The following OGA variants were observed in gnomAD, a reference collection of about 807,000 sequenced individuals.
The protein encoded by OGA is O-GlcNAcase.
A neutral mutation model predicts 102.0 loss-of-function variants in OGA; 21 were observed. That is an observed-to-expected ratio of 0.21 (90% CI 0.15 to 0.30). The LOEUF (loss-of-function observed/expected upper bound fraction) is 0.30. Among genes scored for constraint, OGA ranks in the 10% least tolerant of loss-of-function variants. OGA has a pLI of 1.00. For synonymous variants in OGA, 408 were observed against 378.2 expected (o/e 1.08, Z -0.91); for missense variants, 765 against 1,107.8 (o/e 0.69, Z 4.39).
At chr10:101,803,627 TAAATA>T (rs2065427742) in intron 7 of OGA, 103 bp downstream of exon 7, 1 of 1,190,778 alleles carries the variant, frequency 8.4e-7, no homozygotes, top group Admixed American at 2.7e-5. Flanking sequence ...TTTAAAAAAA[TAAATA>T]AAACTGTTTA....
At chr10:101,796,745 A>AT (rs973295944) in intron 10 of OGA, among the ~76,000 whole-genome samples, 7 of 151,608 alleles carry the variant, frequency 4.6e-5, no homozygotes, top group Non-Finnish European at 1.0e-4. Flanking sequence ...TAATTTTTGT[A>AT]TTTTTTTAGT....
intron 9 of OGA, among the ~76,000 whole-genome samples, chr10:101,798,468 T>C (rs1259746462): frequency 1.3e-5 from 2 of 148,990 alleles, no homozygotes; most frequent in East Asian, 4.0e-4. Flanking sequence ...TGGAGTACAA[T>C]GGCACGATCT....
In OGA at chr10:101,799,172, T is replaced by C; in HGVS notation, c.1479A>G (p.Ala493=). ...CAGTGTCCATTGGTTTCAATTCCTC[T>C]GCCATTTTCGCTTCAACAATTTCAC... ...ILSEIVEAKM[A]EELKPMDTDK... The change falls in exon 9 of 16, where the codon GCA becomes GCG. Residue 493 remains alanine, a synonymous_variant. Coordinates refer to ENST00000361464, the MANE Select transcript of OGA (RefSeq NM_012215.5). 1.2e-6 allele frequency: 2 copies of C among 1,614,262 alleles called. No individual in the cohort carries two copies. The highest frequency in any genetic ancestry group is 2.2e-5 in the South Asian group (2 of 91,088).
At position 101,790,878 on chromosome 10, in the gene OGA, T is replaced by A. The variant is rs752110825; in HGVS notation, c.2454+18A>T. On this transcript the variant is annotated intron_variant, in intron 14 of 15. Coordinates refer to ENST00000361464, the MANE Select transcript of OGA (RefSeq NM_012215.5). ...AAAAAGACCATTACCATAGTATAATTCTTAACCTTTGTATTACCTCAGCCT... is the reference window on the plus strand; with the variant it reads ...AAAAAGACCATTACCATAGTATAATACTTAACCTTTGTATTACCTCAGCCT... 9 of 1,540,584 alleles carry A rather than the reference T, an allele frequency of 5.8e-6. No individual in the cohort carries two copies. The Admixed American group carries it at 1.7e-4, about 29-fold the overall frequency.
intron 14 of OGA, among the ~76,000 whole-genome samples, chr10:101,789,799 C>G (rs2065235259): frequency 6.6e-6 from 1 of 152,060 alleles, no homozygotes; most frequent in African/African-American, 2.4e-5. Context: ...CACGGCGAAA[C>G]CCCATCTCTA....
chr10:101,809,701 G>A lies in OGA; in HGVS notation c.480+483C>T, dbSNP rs1358412128. Among the ~76,000 whole-genome samples, 4 of 125,416 alleles carry A rather than the reference G, an allele frequency of 3.2e-5. No homozygotes were observed. In the East Asian group the frequency reaches 9.2e-4, roughly 29 times the overall value. The allele number at this position is 125,416 out of a possible 152,430, so 82.3% of individuals were successfully genotyped here. A position where few individuals can be genotyped will look rare whatever the true frequency, so the allele number is the denominator to read the frequency against. On this transcript the variant is annotated intron_variant, in intron 4 of 15. Transcript: ENST00000361464. ...ACTCCAGGCAACAGGGCAAGACTCT[G>A]TCTCAAAAAAAAAAAAAAAGAAAAA...
At chr10:101,795,924 A>T (rs1382279670) in intron 10 of OGA, 2 of 982,164 alleles carry the variant, frequency 2.0e-6, no homozygotes, top group East Asian at 2.3e-4. Flanking sequence ...AGGTATCTAT[A>T]TAATTTTGGA....
At position 101,803,931 on chromosome 10, in the gene OGA, G is replaced by A; in HGVS notation, c.840C>T (p.Asn280=). The A allele has an allele frequency of 6.2e-7, 1 of 1,614,016 alleles. No homozygotes were observed. Among genetic ancestry groups the A allele is most frequent in the Non-Finnish European group, 8.5e-7 (1 of 1,179,866 alleles). The part of the protein sequence containing the change: ...IIKRAPVIWD[N]IHANDYDQKR... ...TCTGATCATAATCATTAGCATGAAT[G>A]TTATCCCAGATTACTGGAGCTCTCT... Residue 280 remains asparagine, a synonymous_variant, in exon 7 of 16, where the codon AAC becomes AAT. Transcript: ENST00000361464.
intron 7 of OGA, among the ~76,000 whole-genome samples, chr10:101,802,890 G>C (rs774195752): frequency 7.4e-5 from 11 of 149,622 alleles, no homozygotes; most frequent in Non-Finnish European, 1.6e-4. Context: ...TGTAATCCCA[G>C]CACTCTGGGA....
intron 1 of OGA, among the ~76,000 whole-genome samples, chr10:101,815,982 A>G (rs1433215261): frequency 6.7e-6 from 1 of 148,188 alleles, no homozygotes; most frequent in East Asian, 1.9e-4. Flanking sequence ...AAAAAAAAAA[A>G]AAAAAAAAGC....
intron 10 of OGA, chr10:101,797,716 G>A (rs2065333393): frequency 3.5e-6 from 2 of 576,068 alleles, no homozygotes; most frequent in Non-Finnish European, 6.1e-6. Flanking sequence ...TTCAGTCAGA[G>A]CAAGTTAAAG....
At chr10:101,812,095 T>C (rs941873118) in intron 3 of OGA, among the ~76,000 whole-genome samples, 11 of 152,202 alleles carry the variant, frequency 7.2e-5, no homozygotes, top group Non-Finnish European at 1.5e-4. Flanking sequence ...TAACCAAATA[T>C]CTTGTTAGCT....
At chr10:101,808,913 T>C (rs776375658) in intron 4 of OGA, among the ~76,000 whole-genome samples, 5 of 151,592 alleles carry the variant, frequency 3.3e-5, no homozygotes, top group Non-Finnish European at 7.4e-5. Flanking sequence ...GAGGTTGCAA[T>C]GAGCTGAGAT....
Position 101,786,064 on chromosome 10 carries a change from CTCAATAA to C in OGA, c.*380_*386del. The C allele has an allele frequency of 6.4e-6, 1 of 156,204 alleles. No homozygotes were observed. Among genetic ancestry groups the C allele is most frequent in the Admixed American group, 6.5e-5 (1 of 15,384 alleles). The allele number at this position is 156,204 out of a possible 1,614,324, so 9.7% of individuals were successfully genotyped here. A position where few individuals can be genotyped will look rare whatever the true frequency, so the allele number is the denominator to read the frequency against. ...TCCCCTAAGACTGAGAGGCATTTCACTCAATAAACCAAGGAAGATGACAGATGTTATC... is the reference window on the plus strand; with the variant it reads ...TCCCCTAAGACTGAGAGGCATTTCACACCAAGGAAGATGACAGATGTTATC... On this transcript the variant is annotated 3_prime_UTR_variant, in exon 16 of 16. Transcript: ENST00000361464.
At chr10:101,808,494 T>C (rs2065504744) in intron 4 of OGA, among the ~76,000 whole-genome samples, 1 of 152,194 alleles carries the variant, frequency 6.6e-6, no homozygotes, top group Non-Finnish European at 1.5e-5. Flanking sequence ...ACTGATCCCT[T>C]TGCAGATAAA....
At chr10:101,793,064 A>T in intron 11 of OGA, 121 bp from the exon 12 acceptor site, 2 of 715,162 alleles carry the variant, frequency 2.8e-6, no homozygotes, top group Non-Finnish European at 4.8e-6. Flanking sequence ...CCTAAAGAAG[A>T]GGGGTGTACT....
intron 1 of OGA, among the ~76,000 whole-genome samples, chr10:101,815,961 GAGAAAAAAAA>G (rs2065617710): frequency 1.3e-3 from 31 of 23,788 alleles, no homozygotes; most frequent in Admixed American, 1.9e-3. Context: ...ATCAAAAAGA[GAGAAAAAAAA>G]AAAAAAAAAA....
Position 101,786,409 on chromosome 10 carries a change from GCA to G in OGA, c.*40_*41del. ...AGACCTCAACTACCATTCACAAGGT[GCA>G]GTTAAGAGACTTTTGGACAGTTCAC... is the stretch of plus-strand genomic sequence containing the variant. On this transcript the variant is annotated 3_prime_UTR_variant, in exon 16 of 16. Coordinates refer to ENST00000361464, the MANE Select transcript of OGA (RefSeq NM_012215.5). 1 of 1,532,204 alleles carries G rather than the reference GCA, an allele frequency of 6.5e-7. No individual in the cohort carries two copies. The highest frequency in any genetic ancestry group is 8.8e-7 in the Non-Finnish European group (1 of 1,142,276). The allele number at this position is 1,532,204 out of a possible 1,614,324, so 94.9% of individuals were successfully genotyped here.
intron 10 of OGA, among the ~76,000 whole-genome samples, chr10:101,794,923 C>T (rs1272734202): frequency 6.6e-6 from 1 of 152,216 alleles, no homozygotes; most frequent in East Asian, 1.9e-4. Flanking sequence ...ACCTCCTGTT[C>T]AAGTTAACAG....
Sources: allele counts gnomAD v4.1 joint callset (sites outside exome capture counted in the v4.1 genomes callset), GRCh38; gene constraint gnomAD v4.1.1; transcripts MANE v1.5; gene names NCBI Gene and HGNC (gene_info 2026-07-23, HGNC 2026-07-21).